Variants in SEMA6A observed in about 807,000 individuals in gnomAD.
SEMA6A encodes semaphorin-6A.
In SEMA6A, 25 loss-of-function variants were observed where a neutral mutation model predicts 96.8. The observed-to-expected ratio is 0.26, with a 90% CI of 0.19 to 0.36. The LOEUF is 0.36. Ranked by LOEUF, SEMA6A falls within the 10% of genes least tolerant of loss-of-function variation. The pLI is 1.00. For missense variants in SEMA6A, 1,363 were observed against 1,323.1 expected, an observed-to-expected ratio of 1.03 and a Z score of -0.47; for synonymous variants, 612 against 518.0, an observed-to-expected ratio of 1.18 and a Z score of -2.46.
chr5:116,568,097 A>G (rs2112918806), intron 1 of SEMA6A, among the ~76,000 whole-genome samples: 1 of 152,348 alleles, frequency 6.6e-6, no homozygotes, highest in African/African-American at 2.4e-5. Context: ...CTACATGAAC[A>G]GTGTATATTC....
chr5:116,533,094 T>G (rs116156377), intron 1 of SEMA6A, among the ~76,000 whole-genome samples: 1,962 of 152,348 alleles, frequency 0.013, 41 homozygotes, highest in African/African-American at 0.045. Context: ...GGTAAAGTTT[T>G]GGCCTTTTGA....
chr5:116,445,710 G>C lies in SEMA6A; in HGVS notation c.*903C>G, dbSNP rs1250045081. 6.6e-6 allele frequency: 1 copy of C among 152,596 alleles called. No individual in the cohort carries two copies. Among genetic ancestry groups the C allele is most frequent in the Non-Finnish European group, 1.5e-5 (1 of 68,038 alleles). 9.5% of individuals were successfully genotyped at this position (152,596 alleles called of 1,614,324 possible). A position where few individuals can be genotyped will look rare whatever the true frequency, so the allele number is the denominator to read the frequency against. ...AACTTTTTCCTTTAGCTACAGACCA[G>C]ACAGTCCAAACACAAAGCTCAGAAT... On this transcript the variant is annotated 3_prime_UTR_variant, in exon 19 of 19. Transcript: ENST00000343348.
chr5:116,556,610 C>T (rs1760617359), intron 1 of SEMA6A, among the ~76,000 whole-genome samples: 1 of 152,306 alleles, frequency 6.6e-6, no homozygotes, highest in South Asian at 2.1e-4. Context: ...CAAGATCTCA[C>T]AGCCAATAGA....
Position 116,470,454 on chromosome 5 carries a change from T to C in SEMA6A, c.1729+2619A>G, listed in dbSNP as rs368919956. On this transcript the variant is annotated intron_variant, in intron 17 of 18. Coordinates refer to ENST00000343348, the MANE Select transcript of SEMA6A (RefSeq NM_020796.5). ...TTCTCATAAAATACAAATAAATAGG[T>C]ATATTTTGAAAGTTAACGTTAATGC... 4.6e-5 allele frequency among the ~76,000 whole-genome samples: 7 copies of C among 152,246 alleles called. No individual in the cohort carries two copies. In the South Asian group the frequency reaches 8.3e-4, roughly 18 times the overall value.
intron 1 of SEMA6A, among the ~76,000 whole-genome samples, chr5:116,551,769 C>A (rs556977548): frequency 6.6e-6 from 1 of 152,170 alleles, no homozygotes; most frequent in African/African-American, 2.4e-5. Context: ...TCTCAGAGGT[C>A]GTAATCACAA....
Position 116,443,566 on chromosome 5 carries a change from A to T in SEMA6A, c.*3047T>A, listed in dbSNP as rs752433576. 1 of 152,584 alleles carries T rather than the reference A, an allele frequency of 6.6e-6. No homozygotes were observed. Among genetic ancestry groups the T allele is most frequent in the Non-Finnish European group, 1.5e-5 (1 of 68,036 alleles). The allele number at this position is 152,584 out of a possible 1,614,324, so 9.5% of individuals were successfully genotyped here. On this transcript the variant is annotated 3_prime_UTR_variant, in exon 19 of 19. Coordinates refer to ENST00000343348, the MANE Select transcript of SEMA6A (RefSeq NM_020796.5). ...CAGGACACAAAAGATAATATAGAAC[A>T]GTCAGGTTTTATTACTTTTAAGTAA...
intron 1 of SEMA6A, among the ~76,000 whole-genome samples, chr5:116,508,578 A>C (rs1758254298): frequency 6.6e-6 from 1 of 152,164 alleles, no homozygotes; most frequent in African/African-American, 2.4e-5. Context: ...GGGGCTCACA[A>C]ACTCGTAGTA....
intron 10 of SEMA6A, among the ~76,000 whole-genome samples, chr5:116,486,106 T>G (rs1757036082): frequency 6.6e-6 from 1 of 152,182 alleles, no homozygotes; most frequent in African/African-American, 2.4e-5. Flanking sequence ...CAGAGTCAGA[T>G]TCTGGTGCTG....
intron 1 of SEMA6A, among the ~76,000 whole-genome samples, chr5:116,570,344 TG>T (rs138889764): frequency 1.3e-4 from 20 of 151,028 alleles, no homozygotes; most frequent in African/African-American, 2.9e-4. Context: ...CCCAAGAGAG[TG>T]GGGGGGGTTC....
intron 1 of SEMA6A, among the ~76,000 whole-genome samples, chr5:116,556,049 C>T (rs1760592047): frequency 6.6e-6 from 1 of 152,036 alleles, no homozygotes; most frequent in African/African-American, 2.4e-5. Context: ...GGCTATAGCT[C>T]AAGGCACCAT....
chr5:116,550,452 T>C (rs1411521848), intron 1 of SEMA6A: 1 of 152,204 alleles, frequency 6.6e-6, no homozygotes, highest in Non-Finnish European at 1.5e-5. Flanking sequence ...AGGAATCCCA[T>C]GGCAGGCTCT....
rs1254011495 is a variant in SEMA6A at position 116,445,761 on chromosome 5, G to A, written c.*852C>T. The A allele has an allele frequency of 6.6e-6, 1 of 152,604 alleles. No individual in the cohort carries two copies. Among genetic ancestry groups the A allele is most frequent in the Non-Finnish European group, 1.5e-5 (1 of 68,044 alleles). 9.5% of individuals were successfully genotyped at this position (152,604 alleles called of 1,614,324 possible). ...TCCAGCTCCAACTTATTTACTCAGT[G>A]AATTTATTGTAAAAATAAAGAAACT... On this transcript the variant is annotated 3_prime_UTR_variant, in exon 19 of 19. Transcript: ENST00000343348.
Position 116,481,704 on chromosome 5 carries a change from C to T in SEMA6A, c.1094+740G>A, listed in dbSNP as rs189489383. On this transcript the variant is annotated intron_variant, in intron 11 of 18. Transcript: ENST00000343348. ...AAATGCTGCAATGGAGGTGTGAGTG[C>T]GTGCCACAGAAGAGAGGCACGCAAA... Among the ~76,000 whole-genome samples the T allele has an allele frequency of 1.8e-4, 27 of 152,196 alleles. 1 individual carries two copies. The highest frequency in any genetic ancestry group is 1.7e-3 in the South Asian group (8 of 4,824).
intron 7 of SEMA6A, 148 bp downstream of exon 7, chr5:116,491,592 A>G: frequency 1.6e-6 from 1 of 645,076 alleles, no homozygotes; most frequent in Non-Finnish European, 2.8e-6. Context: ...TTTTCATACT[A>G]ATTTCAAACA....
chr5:116,468,977 T>C (rs1175194879), intron 17 of SEMA6A: 1 of 152,084 alleles, frequency 6.6e-6, no homozygotes, highest in African/African-American at 2.4e-5. Context: ...ACAATTATTA[T>C]TGGAAGTTGG....
chr5:116,478,935 T>A (rs154606), intron 12 of SEMA6A, among the ~76,000 whole-genome samples: 14,696 of 121,574 alleles, frequency 0.12, 984 homozygotes, highest in Non-Finnish European at 0.18. Context: ...AGAGAGTGTG[T>A]GTGTGTGTGT....
At chr5:116,491,117 GAGA>G (rs1318002530) in intron 7 of SEMA6A, among the ~76,000 whole-genome samples, 7 of 152,180 alleles carry the variant, frequency 4.6e-5, no homozygotes, top group African/African-American at 1.4e-4. Flanking sequence ...AATGATATTT[GAGA>G]AGATGTTTGT....
intron 13 of SEMA6A, 125 bp downstream of exon 13, chr5:116,478,417 C>T (rs1232621197): frequency 1.9e-6 from 2 of 1,068,272 alleles, no homozygotes; most frequent in South Asian, 1.7e-5. Context: ...TAAATTTTTA[C>T]AAACAGCACT....
chr5:116,469,431 G>A (rs538839607), intron 17 of SEMA6A: 4 of 151,416 alleles, frequency 2.6e-5, no homozygotes, highest in Non-Finnish European at 5.9e-5. Context: ...CTTACATTGA[G>A]GTCTAAAACA....
Sources: gnomAD v4.1 joint callset for allele counts (sites outside exome capture counted in the v4.1 genomes callset) on GRCh38, gnomAD v4.1.1 for gene constraint, MANE v1.5 for transcripts, NCBI Gene and HGNC (gene_info 2026-07-23, HGNC 2026-07-21) for gene names.